The following RPAP2 variants were observed in gnomAD, a reference collection of about 807,000 sequenced individuals.
RPAP2 encodes the protein putative RNA polymerase II subunit B1 CTD phosphatase RPAP2.
A neutral mutation model predicts 73.1 loss-of-function variants in RPAP2; 52 were observed. The observed-to-expected ratio is 0.71, with a 90% CI of 0.57 to 0.90. The LOEUF (loss-of-function observed/expected upper bound fraction) is 0.90, where lower values mean the gene tolerates loss of function less well. RPAP2 is among the 40% of genes least tolerant of loss of function. RPAP2 has a pLI of 0.00. For synonymous variants in RPAP2, 225 were observed against 242.1 expected (o/e 0.93, Z 0.65); for missense variants, 598 against 701.8 (o/e 0.85, Z 1.67).
chr1:92,328,014 G>A (rs2101201080), intron 8 of RPAP2, among the ~76,000 whole-genome samples: 2 of 152,316 alleles, frequency 1.3e-5, no homozygotes, highest in South Asian at 4.1e-4. Flanking sequence ...GGTTTCTGCT[G>A]AGAAATCTGC....
intron 6 of RPAP2, among the ~76,000 whole-genome samples, chr1:92,319,554 G>A (rs1356585613): frequency 3.3e-5 from 5 of 152,102 alleles, no homozygotes. Flanking sequence ...AGTGGGGAGC[G>A]AGGGGTTGTT....
chr1:92,346,033 G>A (rs1653876914), intron 11 of RPAP2, 119 bp downstream of exon 11: 1 of 608,900 alleles, frequency 1.6e-6, no homozygotes, highest in Non-Finnish European at 2.8e-6. Flanking sequence ...CCTCTATTTT[G>A]TGCCTTATTT....
intron 9 of RPAP2, 87 bp downstream of exon 9, chr1:92,333,560 A>AT: frequency 1.2e-6 from 1 of 829,908 alleles, no homozygotes; most frequent in Non-Finnish European, 2.0e-6. Context: ...TTATCCTCAG[A>AT]TTTTGAACAT....
intron 6 of RPAP2, among the ~76,000 whole-genome samples, 167 bp downstream of exon 6, chr1:92,307,443 C>T (rs1329576525): frequency 6.6e-6 from 1 of 152,170 alleles, no homozygotes; most frequent in Non-Finnish European, 1.5e-5. Context: ...GGATTTTACA[C>T]TTAAAATCAG....
Position 92,320,654 on chromosome 1 carries a change from A to G in RPAP2, c.524+20A>G, listed in dbSNP as rs1464185176. ...ACAAAGGTATGGTTGAATCAGTATC[A>G]TTTACCATTTATATATTTATGTTAA... On this transcript the variant is annotated intron_variant, in intron 7 of 12. Coordinates refer to ENST00000610020, the MANE Select transcript of RPAP2 (RefSeq NM_024813.3). 5 of 1,579,462 alleles carry G rather than the reference A, an allele frequency of 3.2e-6. No homozygotes were observed. In the East Asian group the frequency reaches 6.7e-5, roughly 21 times the overall value.
Position 92,336,339 on chromosome 1 carries a change from A to G in RPAP2, c.1539-8A>G. On this transcript the variant is annotated splice_polypyrimidine_tract_variant and splice_region_variant and intron_variant, in intron 9 of 12. Coordinates refer to ENST00000610020, the MANE Select transcript of RPAP2 (RefSeq NM_024813.3). ...GTTTTAAAATAAATGTAATTTTTAA[A>G]TTTTCAGGTTGCCTGGGCTTCTGGT... 2.5e-6 allele frequency: 4 copies of G among 1,597,368 alleles called. No individual in the cohort carries two copies. Among genetic ancestry groups the G allele is most frequent in the Non-Finnish European group, 3.4e-6 (4 of 1,169,678 alleles).
chr1:92,306,809 T>A (rs1179028908), intron 5 of RPAP2, among the ~76,000 whole-genome samples: 1 of 152,086 alleles, frequency 6.6e-6, no homozygotes, highest in African/African-American at 2.4e-5. Context: ...CTAAAAAAAA[T>A]AAAATTTAAT....
In RPAP2 at chr1:92,324,102, G is replaced by A. The variant is rs752994516; in HGVS notation, c.1182G>A (p.Val394=). Residue 394 remains valine (V), a synonymous_variant, in exon 8 of 13, where the codon GTG becomes GTA. Coordinates refer to ENST00000610020, the MANE Select transcript of RPAP2 (RefSeq NM_024813.3). ...TGTATGGCCAGAATTATGCTTCTGT[G>A]TGTCTGAAACCCGAAGCCTCTCTGG... ...RFLYGQNYAS[V]CLKPEASLVK... The A allele has an allele frequency of 2.3e-5, 37 of 1,613,998 alleles. No homozygotes were observed. In the South Asian group the frequency reaches 3.5e-4, roughly 15 times the overall value.
chr1:92,320,295 A>G (rs1220578062), intron 6 of RPAP2, among the ~76,000 whole-genome samples: 1 of 151,996 alleles, frequency 6.6e-6, no homozygotes, highest in East Asian at 1.9e-4. Flanking sequence ...TTTTCTTAAG[A>G]TGGAGTCTCG....
Position 92,394,257 on chromosome 1 carries a change from A to G in RPAP2, c.*7246A>G, listed in dbSNP as rs1034993345. On this transcript the variant is annotated 3_prime_UTR_variant, in exon 13 of 13. Coordinates refer to ENST00000610020, the MANE Select transcript of RPAP2 (RefSeq NM_024813.3). ...AACCAAACAACGCATGTTCTCACTC[A>G]TAAGTGGGAGTTAAACAATGAGAAC... 6.6e-6 allele frequency: 1 copy of G among 152,124 alleles called. No homozygotes were observed. The highest frequency in any genetic ancestry group is 1.5e-5 in the Non-Finnish European group (1 of 68,028). The allele number at this position is 152,124 out of a possible 1,614,324, so 9.4% of individuals were successfully genotyped here. A position where few individuals can be genotyped will look rare whatever the true frequency, so the allele number is the denominator to read the frequency against.
chr1:92,304,916 A>T (rs1651096163), intron 5 of RPAP2, among the ~76,000 whole-genome samples: 1 of 152,094 alleles, frequency 6.6e-6, no homozygotes, highest in Non-Finnish European at 1.5e-5. Flanking sequence ...GGGGCGGATT[A>T]CCTGAGCTCA....
intron 11 of RPAP2, among the ~76,000 whole-genome samples, chr1:92,350,892 A>C (rs1300143819): frequency 6.6e-6 from 1 of 152,164 alleles, no homozygotes; most frequent in African/African-American, 2.4e-5. Context: ...AGATGGCACC[A>C]CTGCACTCCA....
intron 11 of RPAP2, among the ~76,000 whole-genome samples, chr1:92,360,578 C>A (rs1294353039): frequency 6.6e-6 from 1 of 152,134 alleles, no homozygotes; most frequent in Non-Finnish European, 1.5e-5. Flanking sequence ...TAGAGGGTAA[C>A]TGGTGGAATG....
intron 6 of RPAP2, among the ~76,000 whole-genome samples, chr1:92,319,594 A>G (rs1652127337): frequency 6.6e-6 from 1 of 152,186 alleles, no homozygotes; most frequent in Non-Finnish European, 1.5e-5. Context: ...TTTCTCAGAA[A>G]TTAAGGCAAA....
At chr1:92,333,251 A>T in intron 8 of RPAP2, 140 bp from the exon 9 acceptor site, 2 of 627,226 alleles carry the variant, frequency 3.2e-6, no homozygotes, top group Non-Finnish European at 5.5e-6. Flanking sequence ...ACTCAAATTT[A>T]AATCTAATTC....
chr1:92,394,093 T>C lies in RPAP2; in HGVS notation c.*7082T>C, dbSNP rs1656122601. On this transcript the variant is annotated 3_prime_UTR_variant, in exon 13 of 13. Transcript: ENST00000610020. Reference sequence around the variant, plus strand: ...AACCAACCCAAATGCCCGTCAATGATAGACTGGATTAAGAAAATGTGGCAC... The same window carrying C: ...AACCAACCCAAATGCCCGTCAATGACAGACTGGATTAAGAAAATGTGGCAC... 6.6e-6 allele frequency: 1 copy of C among 152,142 alleles called. No homozygotes were observed. Among genetic ancestry groups the C allele is most frequent in the South Asian group, 2.1e-4 (1 of 4,828 alleles). 9.4% of individuals were successfully genotyped at this position (152,142 alleles called of 1,614,324 possible). A position where few individuals can be genotyped will look rare whatever the true frequency, so the allele number is the denominator to read the frequency against.
chr1:92,367,543 T>C (rs1167125049), intron 11 of RPAP2, among the ~76,000 whole-genome samples: 1 of 152,204 alleles, frequency 6.6e-6, no homozygotes, highest in Non-Finnish European at 1.5e-5. Context: ...TTAAAAAAAT[T>C]TTCTTTTCAG....
intron 9 of RPAP2, among the ~76,000 whole-genome samples, chr1:92,335,921 TA>T (rs1306281655): frequency 6.6e-6 from 1 of 152,204 alleles, no homozygotes; most frequent in Non-Finnish European, 1.5e-5. Flanking sequence ...AAACTGTTAA[TA>T]TATATTGTCA....
Position 92,387,662 on chromosome 1 carries a change from T to C in RPAP2, c.*651T>C, listed in dbSNP as rs369483816. 5.9e-5 allele frequency: 9 copies of C among 152,088 alleles called. No homozygotes were observed. Among genetic ancestry groups the C allele is most frequent in the African/African-American group, 2.2e-4 (9 of 41,402 alleles). The allele number at this position is 152,088 out of a possible 1,614,324, so 9.4% of individuals were successfully genotyped here. A position where few individuals can be genotyped will look rare whatever the true frequency, so the allele number is the denominator to read the frequency against. ...GCGGAACACAGACAACTTGGGGAGC[T>C]TTACTGGAAGGCCAAGAAAATACTC... On this transcript the variant is annotated 3_prime_UTR_variant, in exon 13 of 13. Coordinates refer to ENST00000610020, the MANE Select transcript of RPAP2 (RefSeq NM_024813.3).
Sources: gnomAD v4.1 joint callset for allele counts (sites outside exome capture counted in the v4.1 genomes callset) on GRCh38, gnomAD v4.1.1 for gene constraint, MANE v1.5 for transcripts, NCBI Gene and HGNC (gene_info 2026-07-23, HGNC 2026-07-21) for gene names.